Variants in GLRA2 observed in about 807,000 individuals in gnomAD.
GLRA2 encodes glycine receptor alpha 2, also known as glycine receptor subunit alpha-2.
GLRA2 carries 11 observed loss-of-function variants against 31.6 expected under a neutral mutation model. The ratio of observed to expected loss-of-function variants is 0.35; its 90% confidence interval spans 0.22 to 0.58. The LOEUF (loss-of-function observed/expected upper bound fraction) is 0.58, where lower values mean the gene tolerates loss of function less well. Ranked by LOEUF, GLRA2 falls within the 20% of genes least tolerant of loss-of-function variation. The probability of loss-of-function intolerance (pLI) is 0.84; values close to 1 mark genes in which losing one functional copy is unlikely to be tolerated. For missense variants in GLRA2, 212 were observed against 351.8 expected (o/e 0.60, Z 3.18); for synonymous variants, 132 against 134.0 (o/e 0.99, Z 0.10).
intron 8 of GLRA2, among the ~76,000 whole-genome samples, chrX:14,725,882 C>G (rs996945229): frequency 4.5e-5 from 5 of 112,085 alleles, no homozygotes; most frequent in African/African-American, 1.3e-4. Context: ...TATCAAAGTG[C>G]GATATAAAAA....
At chrX:14,491,735 C>A in the GLRA2 span, among the ~76,000 whole-genome samples, 3 of 111,199 alleles carry the variant, frequency 2.7e-5, no homozygotes, top group Non-Finnish European at 5.7e-5. Flanking sequence ...GTTAATGGAG[C>A]CATTCAAAAC....
At chrX:14,656,876 G>T (rs1382230376) in intron 7 of GLRA2, among the ~76,000 whole-genome samples, 1 of 112,084 alleles carries the variant, frequency 8.9e-6, no homozygotes, top group Non-Finnish European at 1.9e-5. Flanking sequence ...AAGTGTTGGA[G>T]CGTGGTAAAT....
the GLRA2 span, among the ~76,000 whole-genome samples, chrX:14,481,959 T>A: frequency 8.9e-5 from 10 of 111,957 alleles, no homozygotes; most frequent in African/African-American, 2.6e-4. Context: ...TTCTATTTTA[T>A]AGAATTGAAT....
chrX:14,579,199 A>G (rs2089988993), intron 3 of GLRA2, among the ~76,000 whole-genome samples: 1 of 112,297 alleles, frequency 8.9e-6, no homozygotes, highest in South Asian at 3.7e-4. Flanking sequence ...TGCTGAAATG[A>G]GACTGTGGGT....
chrX:14,593,134 T>C (rs1327096722), intron 4 of GLRA2, among the ~76,000 whole-genome samples: 3 of 112,026 alleles, frequency 2.7e-5, no homozygotes, highest in African/African-American at 9.7e-5. Context: ...ATGGCTCTTA[T>C]GAAACATATG....
At chrX:14,462,634 T>C in the GLRA2 span, among the ~76,000 whole-genome samples, 1 of 111,657 alleles carries the variant, frequency 9.0e-6, no homozygotes, top group Non-Finnish European at 1.9e-5. Flanking sequence ...TCCACTTGAT[T>C]GAATCAGCTG....
intron 8 of GLRA2, among the ~76,000 whole-genome samples, chrX:14,697,561 C>T (rs1302433039): frequency 1.8e-5 from 2 of 111,528 alleles, no homozygotes; most frequent in East Asian, 2.8e-4. Flanking sequence ...GGATAGCTTG[C>T]GGGAGGGGAG....
At chrX:14,663,167 T>A (rs2091008081) in intron 7 of GLRA2, among the ~76,000 whole-genome samples, 1 of 111,538 alleles carries the variant, frequency 9.0e-6, no homozygotes, top group Non-Finnish European at 1.9e-5. Context: ...ATAATAATGC[T>A]AATGTAGGTA....
chrX:14,676,075 A>C (rs2091143067), intron 7 of GLRA2, among the ~76,000 whole-genome samples: 1 of 112,590 alleles, frequency 8.9e-6, no homozygotes. Context: ...TACTGTGGCC[A>C]ACAGTTATCT....
the GLRA2 span, among the ~76,000 whole-genome samples, chrX:14,501,834 C>A: frequency 9.1e-6 from 1 of 110,368 alleles, no homozygotes; most frequent in African/African-American, 3.3e-5. Flanking sequence ...GTTTTTTTTT[C>A]TGAAAGTTCT....
Position 14,530,082 on chromosome X carries a change from T to C in GLRA2, c.25T>C (p.Leu9=), listed in dbSNP as rs752830935. 4 of 1,201,356 alleles carry C rather than the reference T, an allele frequency of 3.3e-6. No homozygotes were observed. The highest frequency in any genetic ancestry group is 4.5e-6 in the Non-Finnish European group (4 of 887,239). Residue 9 remains leucine, a synonymous_variant, in exon 1 of 9, where the codon TTG becomes CTG. Coordinates refer to ENST00000218075, the MANE Select transcript of GLRA2 (RefSeq NM_002063.4). Reference sequence around the variant, plus strand: ...AATGAACCGGCAGCTAGTGAACATTTTGACAGCCTTGTTTGCATTTTTCTT... The same window carrying C: ...AATGAACCGGCAGCTAGTGAACATTCTGACAGCCTTGTTTGCATTTTTCTT... MNRQLVNI[L]TALFAFFLET...
intron 4 of GLRA2, among the ~76,000 whole-genome samples, chrX:14,598,582 T>C (rs1286547549): frequency 2.2e-4 from 25 of 112,394 alleles, no homozygotes; most frequent in Non-Finnish European, 3.6e-4. Flanking sequence ...GTTTTATTTC[T>C]AGTGAGAATC....
chrX:14,453,620 G>A, the GLRA2 span, among the ~76,000 whole-genome samples: 72 of 112,144 alleles, frequency 6.4e-4, no homozygotes, highest in African/African-American at 2.0e-3. Context: ...CAGGAAAACA[G>A]TTTGGCAGCT....
chrX:14,669,593 C>G (rs144895990), intron 7 of GLRA2, among the ~76,000 whole-genome samples: 3,010 of 111,913 alleles, frequency 0.027, 74 homozygotes, highest in African/African-American at 0.079. Context: ...AGGTTCAACA[C>G]CACGTGGAAG....
intron 2 of GLRA2, among the ~76,000 whole-genome samples, chrX:14,550,008 A>C (rs1474353551): frequency 9.0e-6 from 1 of 110,955 alleles, no homozygotes; most frequent in Non-Finnish European, 1.9e-5. Context: ...GAAAGCAACC[A>C]CGACAAGTGC....
At chrX:14,596,729 T>A in intron 4 of GLRA2, among the ~76,000 whole-genome samples, 1 of 111,609 alleles carries the variant, frequency 9.0e-6, no homozygotes, top group Admixed American at 9.5e-5. Flanking sequence ...AACCTTCTCC[T>A]TTTTGTCTAT....
chrX:14,655,208 GAAGT>G (rs2090927927), intron 7 of GLRA2, among the ~76,000 whole-genome samples: 1 of 111,871 alleles, frequency 8.9e-6, no homozygotes, highest in Admixed American at 9.5e-5. Flanking sequence ...TCTAAAGATG[GAAGT>G]AAGTGATTAC....
At chrX:14,458,156 A>G in the GLRA2 span, among the ~76,000 whole-genome samples, 1 of 110,632 alleles carries the variant, frequency 9.0e-6, no homozygotes, top group African/African-American at 3.3e-5. Flanking sequence ...TTTGCTGAGA[A>G]TGATGGTTTC....
chrX:14,525,894 TATC>T (rs1334297836), upstream of GLRA2, among the ~76,000 whole-genome samples: 1 of 112,193 alleles, frequency 8.9e-6, no homozygotes, highest in Admixed American at 9.5e-5. Context: ...ATATACTAGT[TATC>T]ATCAATACCA....
Sources: allele counts gnomAD v4.1 joint callset (sites outside exome capture counted in the v4.1 genomes callset), GRCh38; gene constraint gnomAD v4.1.1; transcripts MANE v1.5; gene names NCBI Gene and HGNC (gene_info 2026-07-23, HGNC 2026-07-21).